MYO1D: variants seen among roughly 807,000 people sequenced by gnomAD.
MYO1D encodes myosin ID.
In MYO1D, 83 loss-of-function variants were observed where a neutral mutation model predicts 122.0. The ratio of observed to expected loss-of-function variants is 0.68; its 90% CI spans 0.57 to 0.82. MYO1D has a LOEUF of 0.82. Ranked by LOEUF, MYO1D falls within the 40% of genes least tolerant of loss-of-function variation. The pLI is 0.00. For synonymous variants in MYO1D, 464 were observed against 446.9 expected (o/e 1.04, Z -0.48); for missense variants, 1,157 against 1,269.5 (o/e 0.91, Z 1.35).
chr17:32,803,409 G>A (rs1392144394), intron 1 of MYO1D, among the ~76,000 whole-genome samples: 2 of 152,132 alleles, frequency 1.3e-5, no homozygotes, highest in Non-Finnish European at 2.9e-5. Flanking sequence ...TCCTCCCAAA[G>A]TGCTGGGATT....
In MYO1D at chr17:32,755,540, T is replaced by C. The variant is rs377491443; in HGVS notation, c.1419A>G (p.Glu473=). Residue 473 remains glutamate, a synonymous_variant, in exon 11 of 22, where the codon GAA becomes GAG. Transcript: ENST00000318217. ...VGKVTDEMFL[E]ALNSKLGKHA... ...GTTTGCCCAATTTACTGTTAAGTGC[T>C]TCAAGAAACATTTCATCGGTGACTT... is the stretch of plus-strand genomic sequence containing the variant. The C allele has an allele frequency of 6.2e-7, 1 of 1,613,912 alleles. No individual in the cohort carries two copies. Among genetic ancestry groups the C allele is most frequent in the African/African-American group, 1.3e-5 (1 of 74,926 alleles).
At chr17:32,640,055 A>G (rs1344330057) in intron 19 of MYO1D, among the ~76,000 whole-genome samples, 4 of 152,254 alleles carry the variant, frequency 2.6e-5, no homozygotes, top group Non-Finnish European at 4.4e-5. Context: ...ATTTTATTCA[A>G]TCTTCTCCCC....
chr17:32,817,700 C>T (rs563975719), intron 1 of MYO1D, among the ~76,000 whole-genome samples: 202 of 152,342 alleles, frequency 1.3e-3, no homozygotes, highest in Non-Finnish European at 2.2e-3. Flanking sequence ...CCAACACTCA[C>T]TGAGCGTTAC....
intron 16 of MYO1D, among the ~76,000 whole-genome samples, chr17:32,698,909 T>C (rs2089209076): frequency 6.6e-6 from 1 of 152,190 alleles, no homozygotes; most frequent in South Asian, 2.1e-4. Context: ...TATGAAATTG[T>C]TAATTTAGAC....
intron 16 of MYO1D, among the ~76,000 whole-genome samples, chr17:32,660,346 C>T (rs1486190626): frequency 6.6e-6 from 1 of 152,212 alleles, no homozygotes; most frequent in East Asian, 1.9e-4. Flanking sequence ...TTTTCAACCT[C>T]TAGTTCAAAG....
Position 32,815,217 on chromosome 17 carries a change from TTC to T in MYO1D, c.96-34435_96-34434del, listed in dbSNP as rs1242657879. Among the ~76,000 whole-genome samples, 3 of 152,220 alleles carry T rather than the reference TTC, an allele frequency of 2.0e-5. No homozygotes were observed. In the South Asian group the frequency reaches 6.2e-4, roughly 31 times the overall value. On this transcript the variant is annotated intron_variant, in intron 1 of 21. Transcript: ENST00000318217. The stretch of plus-strand genomic sequence containing the variant: ...ATAGGCGCTCAAGGCTCAAATATAA[TTC>T]TGTTGAAAAAATACTTAATGAAAAA...
At chr17:32,546,210 C>T (rs550218471) in intron 21 of MYO1D, among the ~76,000 whole-genome samples, 1 of 152,242 alleles carries the variant, frequency 6.6e-6, no homozygotes, top group South Asian at 2.1e-4. Context: ...ATGGACTTAG[C>T]CACTTTGAGG....
chr17:32,776,134 T>G, intron 3 of MYO1D, 105 bp from the exon 4 acceptor site: 1 of 961,788 alleles, frequency 1.0e-6, no homozygotes, highest in Admixed American at 2.8e-5. Flanking sequence ...ACAAAGATGC[T>G]AACTCCAGCA....
At chr17:32,623,238 A>G (rs915573923) in intron 20 of MYO1D, among the ~76,000 whole-genome samples, 1 of 152,244 alleles carries the variant, frequency 6.6e-6, no homozygotes, top group Non-Finnish European at 1.5e-5. Flanking sequence ...ATATGGTTCC[A>G]ATAAAATGAA....
chr17:32,593,581 G>A (rs2087459971), intron 21 of MYO1D, among the ~76,000 whole-genome samples: 2 of 152,164 alleles, frequency 1.3e-5, no homozygotes, highest in Non-Finnish European at 2.9e-5. Context: ...CCAGGTCTGT[G>A]TGTTTAATAC....
At chr17:32,795,650 G>GA (rs2090407817) in intron 1 of MYO1D, among the ~76,000 whole-genome samples, 1 of 152,180 alleles carries the variant, frequency 6.6e-6, no homozygotes, top group Non-Finnish European at 1.5e-5. Flanking sequence ...CCCGGGGCCT[G>GA]AAAGCTTAAG....
chr17:32,564,926 T>C (rs1206374278), intron 21 of MYO1D, among the ~76,000 whole-genome samples: 5 of 152,230 alleles, frequency 3.3e-5, no homozygotes, highest in African/African-American at 1.2e-4. Context: ...CGTTAAACAG[T>C]CCATCACCCT....
In MYO1D at chr17:32,876,711, G is replaced by T. The variant is rs1454027948; in HGVS notation, c.95+67C>A. On this transcript the variant is annotated intron_variant, in intron 1 of 21. Coordinates refer to ENST00000318217, the MANE Select transcript of MYO1D (RefSeq NM_015194.3). ...CTCCCGACACCCCGGATCCGGCCGC[G>T]CCCCGAGGCGCCCCCTCTCGGGAAA... The T allele has an allele frequency of 4.5e-6, 6 of 1,338,906 alleles. No individual in the cohort carries two copies. In the African/African-American group the frequency reaches 7.8e-5, roughly 17 times the overall value. 82.9% of individuals were successfully genotyped at this position (1,338,906 alleles called of 1,614,324 possible). A position where few individuals can be genotyped will look rare whatever the true frequency, so the allele number is the denominator to read the frequency against.
chr17:32,760,303 A>G lies in MYO1D; in HGVS notation c.1283T>C (p.Ile428Thr). 1 of 1,609,040 alleles carries G rather than the reference A, an allele frequency of 6.2e-7. No homozygotes were observed. The highest frequency in any genetic ancestry group is 8.5e-7 in the Non-Finnish European group (1 of 1,176,184). ...QEQEEYQREGIPWKHIDYFNN... is the reference protein window; with the variant it reads ...QEQEEYQREGTPWKHIDYFNN... ...GAGTCCACTCACATGTTTCCAGGGG[A>G]TCCCTTCCCGCTGGTATTCCTCTTG... Residue 428 changes from isoleucine (I) to threonine (T), a missense_variant, in exon 10 of 22, where the codon ATC (isoleucine) becomes ACC (threonine). Transcript: ENST00000318217.
rs574425249 is a variant in MYO1D at position 32,711,925 on chromosome 17, T to C, written c.2121+63A>G. ...AATATTTCTTGAATTAAAGAAAATA[T>C]GCAACAAATTTTTAAGAACTTAAAA... On this transcript the variant is annotated intron_variant, in intron 16 of 21. Coordinates refer to ENST00000318217, the MANE Select transcript of MYO1D (RefSeq NM_015194.3). 9.1e-4 allele frequency: 1,202 copies of C among 1,319,142 alleles called. 5 individuals carry two copies. Among genetic ancestry groups the C allele is most frequent in the Non-Finnish European group, 3.2e-4 (302 of 955,702 alleles). 81.7% of individuals were successfully genotyped at this position (1,319,142 alleles called of 1,614,324 possible).
intron 1 of MYO1D, among the ~76,000 whole-genome samples, chr17:32,824,701 G>A (rs537601866): frequency 6.6e-6 from 1 of 152,328 alleles, no homozygotes; most frequent in Non-Finnish European, 1.5e-5. Context: ...TGGAGCTGGT[G>A]CTCTGGTCTA....
chr17:32,779,497 A>G (rs1180722787), intron 2 of MYO1D, among the ~76,000 whole-genome samples: 1 of 151,078 alleles, frequency 6.6e-6, no homozygotes, highest in African/African-American at 2.4e-5. Flanking sequence ...TATATTTATA[A>G]TATAATTACA....
At chr17:32,687,825 A>G (rs951517561) in intron 16 of MYO1D, among the ~76,000 whole-genome samples, 11 of 152,360 alleles carry the variant, frequency 7.2e-5, no homozygotes, top group South Asian at 4.1e-4. Flanking sequence ...TTGAATCATG[A>G]TAAGTACATT....
chr17:32,719,412 T>C (rs1012497471), intron 15 of MYO1D, among the ~76,000 whole-genome samples: 2 of 149,882 alleles, frequency 1.3e-5, no homozygotes, highest in African/African-American at 2.4e-5. Flanking sequence ...TGCAGTGGCA[T>C]GATCTTGGCT....
Sources: gnomAD v4.1 joint callset for allele counts (sites outside exome capture counted in the v4.1 genomes callset) on GRCh38, gnomAD v4.1.1 for gene constraint, MANE v1.5 for transcripts, NCBI Gene and HGNC (gene_info 2026-07-23, HGNC 2026-07-21) for gene names.